CREBL2: variants seen among roughly 807,000 people sequenced by gnomAD.
The protein encoded by CREBL2 is cAMP-responsive element-binding protein-like 2.
A neutral mutation model predicts 19.5 loss-of-function variants in CREBL2; 4 were observed. The observed-to-expected ratio is 0.20, with a 90% CI of 0.10 to 0.47. CREBL2 has a LOEUF of 0.47. Ranked by LOEUF, CREBL2 falls within the 20% of genes least tolerant of loss-of-function variation. The pLI is 0.98. For missense variants in CREBL2, 85 were observed against 145.1 expected, an observed-to-expected ratio of 0.59 and a Z score of 2.13; for synonymous variants, 42 against 46.6, an observed-to-expected ratio of 0.90 and a Z score of 0.40.
intron 1 of CREBL2, among the ~76,000 whole-genome samples, chr12:12,627,871 C>T (rs964298887): frequency 3.9e-5 from 6 of 152,168 alleles, no homozygotes; most frequent in African/African-American, 1.4e-4. Flanking sequence ...TCCACATCTG[C>T]ACCAGTACTT....
intron 1 of CREBL2, among the ~76,000 whole-genome samples, chr12:12,634,736 C>T (rs1168691829): frequency 1.3e-5 from 2 of 151,938 alleles, no homozygotes; most frequent in Non-Finnish European, 2.9e-5. Context: ...TATTTTGTTG[C>T]AATTATTTTT....
intron 1 of CREBL2, among the ~76,000 whole-genome samples, chr12:12,617,532 C>CG (rs1222164011): frequency 6.6e-6 from 1 of 151,392 alleles, no homozygotes; most frequent in Non-Finnish European, 1.5e-5. Flanking sequence ...AGTACAGACT[C>CG]TAACACATAG....
Position 12,642,884 on chromosome 12 carries a change from G to C in CREBL2, c.*886G>C, listed in dbSNP as rs763383172. 3 of 152,620 alleles carry C rather than the reference G, an allele frequency of 2.0e-5. No individual in the cohort carries two copies. The allele number at this position is 152,620 out of a possible 1,614,324, so 9.5% of individuals were successfully genotyped here. ...ATATGTATGTGGGGAGGACAGGAGT[G>C]AATGTTCACACACTTTTCTTGCGTA... On this transcript the variant is annotated 3_prime_UTR_variant, in exon 4 of 4. Transcript: ENST00000228865.
At chr12:12,612,289 C>G in intron 1 of CREBL2, 102 bp downstream of exon 1, 1 of 1,596,160 alleles carries the variant, frequency 6.3e-7, no homozygotes, top group South Asian at 1.1e-5. Context: ...CCAAGAGACA[C>G]CTGCCTAAAA....
At chr12:12,619,268 G>A (rs1945341741) in intron 1 of CREBL2, among the ~76,000 whole-genome samples, 1 of 152,102 alleles carries the variant, frequency 6.6e-6, no homozygotes, top group South Asian at 2.1e-4. Context: ...GTAGTCTCCT[G>A]AGGCCACCTC....
Position 12,637,697 on chromosome 12 carries a change from A to T in CREBL2, c.341A>T (p.Asp114Val). Residue 114 changes from aspartate to valine, a missense_variant, in exon 3 of 4, where the codon GAT becomes GTT. This residue lies in a region of CREBL2 where 42 missense variants were observed against 38.4 expected (regional missense o/e 1.09). Transcript: ENST00000228865. The part of the protein sequence containing the change: ...SSRHTKAGKT[D>V]ANSNSW The stretch of plus-strand genomic sequence containing the variant: ...AGGCATACCAAGGCTGGGAAGACAG[A>T]TGCTAATAGCAATTCCTGTAAGTGC... 6.2e-7 allele frequency: 1 copy of T among 1,611,996 alleles called. No individual in the cohort carries two copies.
intron 1 of CREBL2, among the ~76,000 whole-genome samples, chr12:12,634,407 G>T (rs769001830): frequency 2.6e-5 from 4 of 152,224 alleles, no homozygotes; most frequent in Non-Finnish European, 4.4e-5. Context: ...TATGACATCA[G>T]TGGGAGCAGG....
intron 1 of CREBL2, among the ~76,000 whole-genome samples, chr12:12,622,199 C>A (rs972704608): frequency 6.6e-6 from 1 of 152,118 alleles, no homozygotes; most frequent in Non-Finnish European, 1.5e-5. Flanking sequence ...ATACTGAGTT[C>A]AATAAATCCT....
At chr12:12,617,713 A>G (rs368448018) in intron 1 of CREBL2, among the ~76,000 whole-genome samples, 1,688 of 105,096 alleles carry the variant, frequency 0.016, 24 homozygotes, top group African/African-American at 0.052. Flanking sequence ...GGTGTTTCTC[A>G]GAGAGGGGGA....
At chr12:12,627,666 A>G (rs1478426683) in intron 1 of CREBL2, among the ~76,000 whole-genome samples, 2 of 152,224 alleles carry the variant, frequency 1.3e-5, no homozygotes, top group African/African-American at 4.8e-5. Flanking sequence ...AGGTATCATG[A>G]GTAATGGTGC....
intron 1 of CREBL2, among the ~76,000 whole-genome samples, chr12:12,621,423 C>T (rs1025571259): frequency 6.7e-6 from 1 of 149,296 alleles, no homozygotes; most frequent in African/African-American, 2.5e-5. Flanking sequence ...GAGGCTGAGG[C>T]AGGAGAATTG....
chr12:12,633,643 T>C (rs1945455815), intron 1 of CREBL2, among the ~76,000 whole-genome samples: 1 of 127,970 alleles, frequency 7.8e-6, no homozygotes, highest in Non-Finnish European at 1.7e-5. Flanking sequence ...CTAGATACAA[T>C]GGTTGGCCAT....
chr12:12,629,385 T>A (rs188404198), intron 1 of CREBL2, among the ~76,000 whole-genome samples: 1 of 152,190 alleles, frequency 6.6e-6, no homozygotes, highest in Non-Finnish European at 1.5e-5. Flanking sequence ...CTACTGTAAG[T>A]GGAGTCATTT....
At chr12:12,626,012 C>T (rs1340237018) in intron 1 of CREBL2, among the ~76,000 whole-genome samples, 1 of 152,076 alleles carries the variant, frequency 6.6e-6, no homozygotes, top group Admixed American at 6.5e-5. Context: ...CATGAGATAG[C>T]GTGTAGAGTG....
intron 1 of CREBL2, among the ~76,000 whole-genome samples, chr12:12,634,783 C>T (rs1250254853): frequency 2.6e-5 from 4 of 152,158 alleles, no homozygotes; most frequent in Non-Finnish European, 4.4e-5. Context: ...AGTCCAGGCA[C>T]AATGGCTCAC....
At chr12:12,622,236 G>A (rs1945365011) in intron 1 of CREBL2, among the ~76,000 whole-genome samples, 1 of 152,166 alleles carries the variant, frequency 6.6e-6, no homozygotes, top group Admixed American at 6.5e-5. Flanking sequence ...TCACTGGCAT[G>A]GTTAGATTGC....
chr12:12,641,029 T>C (rs1945512846), intron 3 of CREBL2, among the ~76,000 whole-genome samples: 1 of 151,948 alleles, frequency 6.6e-6, no homozygotes, highest in African/African-American at 2.4e-5. Flanking sequence ...ATTTGGGTGA[T>C]TGATCCATTT....
chr12:12,637,853 C>A, intron 3 of CREBL2, 139 bp downstream of exon 3: 1 of 889,996 alleles, frequency 1.1e-6, no homozygotes, highest in Non-Finnish European at 1.6e-6. Context: ...CCAGACAGGG[C>A]AACATGGCAA....
At chr12:12,630,975 A>G (rs1945438822) in intron 1 of CREBL2, among the ~76,000 whole-genome samples, 1 of 152,240 alleles carries the variant, frequency 6.6e-6, no homozygotes. Context: ...ATTACCAGGT[A>G]CTAAGAATTA....
Sources: gnomAD v4.1 joint callset for allele counts (sites outside exome capture counted in the v4.1 genomes callset) on GRCh38, gnomAD v4.1.1 for gene constraint, gnomAD v4.1.1 regional missense constraint, MANE v1.5 for transcripts, NCBI Gene and HGNC (gene_info 2026-07-23, HGNC 2026-07-21) for gene names.